The following ADGRV1 variants were observed in gnomAD, a reference collection of about 807,000 sequenced individuals.
ADGRV1 encodes G-protein coupled receptor 98.
A neutral mutation model predicts 596.2 loss-of-function variants in ADGRV1; 359 were observed. The observed-to-expected ratio is 0.60, with a 90% CI of 0.55 to 0.66. The LOEUF (loss-of-function observed/expected upper bound fraction) is 0.66, where lower values mean the gene tolerates loss of function less well. Among genes scored for constraint, ADGRV1 ranks in the 30% least tolerant of loss-of-function variants. The pLI is 0.00. For synonymous variants in ADGRV1, 2,681 were observed against 2,679.2 expected, an observed-to-expected ratio of 1.00 and a Z score of -0.02; for missense variants, 7,274 against 7,575.6, an observed-to-expected ratio of 0.96 and a Z score of 1.48.
Position 90,650,478 on chromosome 5 carries a change from TG to T in ADGRV1, c.3290-1125del, listed in dbSNP as rs1364438403. Among the ~76,000 whole-genome samples the T allele has an allele frequency of 3.9e-5, 6 of 152,248 alleles. No individual in the cohort carries two copies. The East Asian group carries it at 1.2e-3, about 29-fold the overall frequency. Reference sequence around the variant, plus strand: ...TTTCCATTGAATTATCAAGTGAAGTTGAGTACAGTTGTATATTTGTATAATT... The same window carrying T: ...TTTCCATTGAATTATCAAGTGAAGTTAGTACAGTTGTATATTTGTATAATT... On this transcript the variant is annotated intron_variant, in intron 17 of 89. Transcript: ENST00000405460.
rs757029909 is a variant in ADGRV1 at position 91,014,136 on chromosome 5, C to CCCCCCACACACACACA, written c.18152+28615_18152+28616insCCCCACACACACACAC. Among the ~76,000 whole-genome samples, 3 of 35,638 alleles carry CCCCCCACACACACACA rather than the reference C, an allele frequency of 8.4e-5. No homozygotes were observed. In the East Asian group the frequency reaches 2.0e-3, roughly 24 times the overall value. 23.4% of individuals were successfully genotyped at this position (35,638 alleles called of 152,430 possible). On this transcript the variant is annotated intron_variant, in intron 85 of 89. Coordinates refer to ENST00000405460, the MANE Select transcript of ADGRV1 (RefSeq NM_032119.4). The stretch of plus-strand genomic sequence containing the variant: ...TCATAGGCAATCCCATTCACAATTG[C>CCCCCCACACACACACA]CACACACACACACACACACACACAC...
intron 77 of ADGRV1, among the ~76,000 whole-genome samples, chr5:90,835,090 G>A (rs546595048): frequency 4.6e-5 from 7 of 152,048 alleles, no homozygotes; most frequent in Middle Eastern, 3.4e-3. Flanking sequence ...TGATGCTTGC[G>A]GATATTTGTC....
intron 83 of ADGRV1, among the ~76,000 whole-genome samples, chr5:90,915,333 A>G (rs1294510881): frequency 6.6e-6 from 1 of 152,226 alleles, no homozygotes; most frequent in African/African-American, 2.4e-5. Context: ...CTCTGATGCT[A>G]AAATAATTAT....
intron 1 of ADGRV1, among the ~76,000 whole-genome samples, chr5:90,583,127 G>A (rs866018592): frequency 2.0e-5 from 3 of 152,000 alleles, no homozygotes; most frequent in African/African-American, 4.8e-5. Context: ...TAGTAAAGTC[G>A]GGAAACTTTG....
At chr5:90,674,307 G>A in intron 23 of ADGRV1, 73 bp downstream of exon 23, 1 of 1,203,258 alleles carries the variant, frequency 8.3e-7, no homozygotes, top group Non-Finnish European at 1.1e-6. Context: ...ACTTCTTAAG[G>A]CACTTTTTGC....
At chr5:90,952,245 CT>C (rs1385960338) in intron 83 of ADGRV1, among the ~76,000 whole-genome samples, 7 of 152,162 alleles carry the variant, frequency 4.6e-5, no homozygotes, top group African/African-American at 1.7e-4. Context: ...TTCTCTCTGA[CT>C]TTCTTTTGAT....
intron 83 of ADGRV1, among the ~76,000 whole-genome samples, chr5:90,937,685 C>T (rs1294411550): frequency 6.6e-6 from 1 of 152,200 alleles, no homozygotes; most frequent in Non-Finnish European, 1.5e-5. Flanking sequence ...TCTCGATCTT[C>T]TGACCCCATG....
At chr5:90,662,505 T>A (rs1010927715) in intron 21 of ADGRV1, among the ~76,000 whole-genome samples, 1 of 152,160 alleles carries the variant, frequency 6.6e-6, no homozygotes, top group African/African-American at 2.4e-5. Flanking sequence ...TTAAAGTACT[T>A]TTTAAAGCAA....
chr5:90,688,086 G>A (rs75138219), intron 29 of ADGRV1, among the ~76,000 whole-genome samples: 49,489 of 151,724 alleles, frequency 0.33, 8,468 homozygotes, highest in Admixed American at 0.48. Flanking sequence ...CCGCATCGCC[G>A]AGTCAATCCT....
At chr5:90,823,083 A>T (rs1176649104) in intron 75 of ADGRV1, among the ~76,000 whole-genome samples, 2 of 152,202 alleles carry the variant, frequency 1.3e-5, no homozygotes, top group Admixed American at 6.5e-5. Context: ...AAACAGGGAC[A>T]ATTTGACTTC....
At chr5:90,717,394 A>T (rs1455792665) in intron 43 of ADGRV1, 3 of 133,486 alleles carry the variant, frequency 2.2e-5, no homozygotes, top group Non-Finnish European at 3.5e-5. Context: ...AGTATAATAA[A>T]AAAAAAAGCA....
chr5:90,985,045 A>G (rs571858306), intron 84 of ADGRV1, among the ~76,000 whole-genome samples: 274 of 152,344 alleles, frequency 1.8e-3, no homozygotes, highest in African/African-American at 6.2e-3. Flanking sequence ...ACGTTTACAA[A>G]ACAGTCATAG....
chr5:90,568,200 C>G (rs775830588), intron 1 of ADGRV1, among the ~76,000 whole-genome samples: 22 of 151,792 alleles, frequency 1.4e-4, no homozygotes, highest in Non-Finnish European at 2.6e-4. Flanking sequence ...CTTAAGGTGG[C>G]AGTTTAGGTT....
At chr5:91,138,160 A>G (rs1233050812) in intron 87 of ADGRV1, among the ~76,000 whole-genome samples, 1 of 152,154 alleles carries the variant, frequency 6.6e-6, no homozygotes, top group Admixed American at 6.5e-5. Context: ...TTGCCCAACC[A>G]TAAATCCAAC....
At chr5:90,821,682 G>A (rs1179914332) in intron 75 of ADGRV1, among the ~76,000 whole-genome samples, 2 of 151,738 alleles carry the variant, frequency 1.3e-5, no homozygotes, top group African/African-American at 2.4e-5. Flanking sequence ...GCCGTGTGAG[G>A]TGTCAGTGTG....
At chr5:91,085,204 T>A (rs142195135) in intron 86 of ADGRV1, among the ~76,000 whole-genome samples, 5 of 152,188 alleles carry the variant, frequency 3.3e-5, no homozygotes, top group African/African-American at 1.2e-4. Context: ...GTTGTGCACA[T>A]GTACCCTAGA....
At chr5:90,980,277 A>G (rs1365793538) in intron 84 of ADGRV1, among the ~76,000 whole-genome samples, 1 of 152,186 alleles carries the variant, frequency 6.6e-6, no homozygotes, top group Non-Finnish European at 1.5e-5. Flanking sequence ...AGCTAAAAAA[A>G]TTTTCATTTA....
At chr5:90,616,635 TTGTATACAA>T (rs1763400324) in intron 2 of ADGRV1, among the ~76,000 whole-genome samples, 1 of 152,334 alleles carries the variant, frequency 6.6e-6, no homozygotes, top group South Asian at 2.1e-4. Flanking sequence ...ATTTTAATAT[TTGTATACAA>T]TGTGTAATGA....
intron 59 of ADGRV1, among the ~76,000 whole-genome samples, chr5:90,765,429 C>CCACA (rs531033246): frequency 0.038 from 5,239 of 136,276 alleles, 110 homozygotes; most frequent in Middle Eastern, 0.066. Flanking sequence ...AAATCACAGA[C>CCACA]CACACACACA....
Sources: allele counts gnomAD v4.1 joint callset (sites outside exome capture counted in the v4.1 genomes callset), GRCh38; gene constraint gnomAD v4.1.1; transcripts MANE v1.5; gene names NCBI Gene and HGNC (gene_info 2026-07-23, HGNC 2026-07-21).